CYSTM1: variants seen among roughly 807,000 people sequenced by gnomAD.
The protein encoded by CYSTM1 is cysteine rich transmembrane module containing 1, also known as cysteine-rich transmembrane module-containing protein 1.
A neutral mutation model predicts 13.1 loss-of-function variants in CYSTM1; 4 were observed. The observed-to-expected ratio is 0.31, with a 90% CI of 0.15 to 0.70. CYSTM1 has a LOEUF of 0.70. CYSTM1 is among the 30% of genes least tolerant of loss of function. The pLI is 0.72. For synonymous variants in CYSTM1, 36 were observed against 42.7 expected (o/e 0.84, Z 0.62); for missense variants, 96 against 121.6 (o/e 0.79, Z 0.99).
chr5:140,181,205 G>T (rs1278110889), intron 1 of CYSTM1, among the ~76,000 whole-genome samples: 1 of 152,112 alleles, frequency 6.6e-6, no homozygotes, highest in South Asian at 2.1e-4. Context: ...GTGAAGAGGG[G>T]GACATTTGTA....
intron 1 of CYSTM1, among the ~76,000 whole-genome samples, chr5:140,179,258 G>A (rs1303779514): frequency 3.7e-5 from 5 of 134,326 alleles, no homozygotes; most frequent in South Asian, 2.5e-4. Context: ...ACATCTTGTC[G>A]CTTAAAAAAA....
intron 2 of CYSTM1, among the ~76,000 whole-genome samples, chr5:140,196,265 AT>A (rs1764158864): frequency 6.6e-6 from 1 of 152,198 alleles, no homozygotes; most frequent in Non-Finnish European, 1.5e-5. Flanking sequence ...CCTATAATTT[AT>A]TGCTGTACTG....
At chr5:140,213,781 A>G (rs1187392395) in intron 2 of CYSTM1, among the ~76,000 whole-genome samples, 1 of 152,218 alleles carries the variant, frequency 6.6e-6, no homozygotes, top group African/African-American at 2.4e-5. Flanking sequence ...GTGATAGTAT[A>G]TATCCTAGGT....
intron 2 of CYSTM1, among the ~76,000 whole-genome samples, chr5:140,209,269 CTT>C (rs70988736): frequency 3.4e-4 from 46 of 137,280 alleles, no homozygotes; most frequent in African/African-American, 2.7e-4. Context: ...TCTTTCTTTT[CTT>C]TTTTTTTTTT....
intron 1 of CYSTM1, among the ~76,000 whole-genome samples, chr5:140,178,397 G>T (rs953077476): frequency 1.8e-4 from 24 of 133,590 alleles, no homozygotes; most frequent in Admixed American, 6.2e-4. Flanking sequence ...TTTTAAAAGA[G>T]TTTGAAGTTC....
intron 2 of CYSTM1, among the ~76,000 whole-genome samples, chr5:140,234,459 T>C (rs972833106): frequency 1.3e-5 from 2 of 152,252 alleles, no homozygotes; most frequent in African/African-American, 4.8e-5. Context: ...GGGATTTTTA[T>C]TGAAATTGCA....
At chr5:140,237,599 A>T (rs1181601666) in intron 2 of CYSTM1, among the ~76,000 whole-genome samples, 1 of 152,252 alleles carries the variant, frequency 6.6e-6, no homozygotes, top group Non-Finnish European at 1.5e-5. Context: ...ATCTACAGTC[A>T]ACCCTGTCCT....
chr5:140,204,770 A>AGC (rs901880752), intron 2 of CYSTM1, among the ~76,000 whole-genome samples: 3 of 142,270 alleles, frequency 2.1e-5, no homozygotes, highest in Non-Finnish European at 1.5e-5. Flanking sequence ...AACAGTGCTG[A>AGC]GCGCGTGTGT....
At chr5:140,234,648 GT>G (rs1412988500) in intron 2 of CYSTM1, among the ~76,000 whole-genome samples, 1 of 152,192 alleles carries the variant, frequency 6.6e-6, no homozygotes, top group African/African-American at 2.4e-5. Flanking sequence ...GAAGTTGGCA[GT>G]AAATGAGGTA....
chr5:140,213,145 C>T (rs539485002), intron 2 of CYSTM1, among the ~76,000 whole-genome samples: 1 of 150,892 alleles, frequency 6.6e-6, no homozygotes, highest in African/African-American at 2.4e-5. Context: ...GTTATTACCC[C>T]TGAAGACCTC....
chr5:140,229,334 A>C (rs1764594650), intron 2 of CYSTM1, among the ~76,000 whole-genome samples: 1 of 152,060 alleles, frequency 6.6e-6, no homozygotes, highest in African/African-American at 2.4e-5. Context: ...AGCTGGGATT[A>C]CAGGCACGCG....
chr5:140,176,040 C>A (rs1408589297), intron 1 of CYSTM1, among the ~76,000 whole-genome samples: 1 of 152,056 alleles, frequency 6.6e-6, no homozygotes, highest in African/African-American at 2.4e-5. Context: ...ACTGACTGGA[C>A]CGTCTGCTGG....
At chr5:140,229,275 A>G (rs767295391) in intron 2 of CYSTM1, among the ~76,000 whole-genome samples, 4 of 152,022 alleles carry the variant, frequency 2.6e-5, no homozygotes, top group South Asian at 2.1e-4. Flanking sequence ...TCTCACTGCA[A>G]CCTTTACCTC....
chr5:140,211,955 A>G (rs531201169), intron 2 of CYSTM1, among the ~76,000 whole-genome samples: 1 of 152,162 alleles, frequency 6.6e-6, no homozygotes, highest in Non-Finnish European at 1.5e-5. Context: ...ACACACACAC[A>G]CGCAAAAATA....
chr5:140,188,778 CA>C (rs34915397), intron 1 of CYSTM1, among the ~76,000 whole-genome samples: 31 of 113,446 alleles, frequency 2.7e-4, no homozygotes, highest in Middle Eastern at 5.3e-3. Flanking sequence ...GACTCCGTCT[CA>C]AAAAAAAAAA....
At chr5:140,204,182 C>T (rs75488398) in intron 2 of CYSTM1, among the ~76,000 whole-genome samples, 4 of 152,082 alleles carry the variant, frequency 2.6e-5, no homozygotes, top group African/African-American at 7.2e-5. Flanking sequence ...GCCTAGGCAC[C>T]GTACTAAGAC....
At chr5:140,220,971 C>A (rs1287982345) in intron 2 of CYSTM1, among the ~76,000 whole-genome samples, 1 of 152,196 alleles carries the variant, frequency 6.6e-6, no homozygotes, top group African/African-American at 2.4e-5. Context: ...TGCTGTGAAG[C>A]TCAGCTCTGG....
chr5:140,237,094 G>A (rs961509829), intron 2 of CYSTM1, among the ~76,000 whole-genome samples: 2 of 152,158 alleles, frequency 1.3e-5, no homozygotes, highest in Admixed American at 6.5e-5. Flanking sequence ...GTGGAAAGTG[G>A]AAGTGTGGCG....
chr5:140,187,102 G>C (rs1405822170), intron 1 of CYSTM1, among the ~76,000 whole-genome samples: 1 of 151,934 alleles, frequency 6.6e-6, no homozygotes, highest in Non-Finnish European at 1.5e-5. Context: ...CTCCAGCCTG[G>C]GCGACAAAGT....
Sources: gnomAD v4.1 joint callset for allele counts (sites outside exome capture counted in the v4.1 genomes callset) on GRCh38, gnomAD v4.1.1 for gene constraint, MANE v1.5 for transcripts, NCBI Gene and HGNC (gene_info 2026-07-23, HGNC 2026-07-21) for gene names.